KCNJ3: variants seen among roughly 807,000 people sequenced by gnomAD.
The protein encoded by KCNJ3 is G protein-activated inward rectifier potassium channel 1.
KCNJ3 carries 4 observed loss-of-function variants against 39.2 expected under a neutral mutation model. That is an observed-to-expected ratio of 0.10 (90% CI 0.05 to 0.23). KCNJ3 has a LOEUF of 0.23. Ranked by LOEUF, KCNJ3 falls within the 10% of genes least tolerant of loss-of-function variation. KCNJ3 has a pLI of 1.00. For missense variants in KCNJ3, 276 were observed against 634.9 expected, an observed-to-expected ratio of 0.43 and a Z score of 6.08; for synonymous variants, 230 against 237.4, an observed-to-expected ratio of 0.97 and a Z score of 0.29.
At chr2:154,792,062 T>C (rs1323507145) in intron 2 of KCNJ3, among the ~76,000 whole-genome samples, 1 of 152,054 alleles carries the variant, frequency 6.6e-6, no homozygotes, top group Non-Finnish European at 1.5e-5. Context: ...TTTTCAGATC[T>C]GTTGGAAAGC....
At chr2:154,715,365 T>G (rs556564013) in intron 2 of KCNJ3, among the ~76,000 whole-genome samples, 2 of 152,318 alleles carry the variant, frequency 1.3e-5, no homozygotes, top group Admixed American at 6.5e-5. Flanking sequence ...CTGCCCTTCT[T>G]ATGGTACTGC....
At chr2:154,715,474 T>C (rs1253278023) in intron 2 of KCNJ3, among the ~76,000 whole-genome samples, 1 of 152,194 alleles carries the variant, frequency 6.6e-6, no homozygotes, top group Non-Finnish European at 1.5e-5. Context: ...AGCACAAGAG[T>C]GGCATATTTG....
intron 2 of KCNJ3, among the ~76,000 whole-genome samples, chr2:154,847,938 C>T (rs1687688857): frequency 6.6e-6 from 1 of 152,126 alleles, no homozygotes; most frequent in Non-Finnish European, 1.5e-5. Context: ...TTACTGTGGA[C>T]ACCAGAATAT....
At chr2:154,806,310 A>T (rs1470279006) in intron 2 of KCNJ3, among the ~76,000 whole-genome samples, 1 of 152,170 alleles carries the variant, frequency 6.6e-6, no homozygotes, top group African/African-American at 2.4e-5. Context: ...CCTCTCAAGT[A>T]CCAATGGAGC....
At chr2:154,750,659 A>G (rs1189711626) in intron 2 of KCNJ3, among the ~76,000 whole-genome samples, 1 of 151,924 alleles carries the variant, frequency 6.6e-6, no homozygotes, top group Non-Finnish European at 1.5e-5. Context: ...TGCCTTTCAT[A>G]CAATTTTTTC....
At chr2:154,826,689 T>C (rs1014639124) in intron 2 of KCNJ3, among the ~76,000 whole-genome samples, 3 of 152,202 alleles carry the variant, frequency 2.0e-5, no homozygotes, top group Non-Finnish European at 4.4e-5. Flanking sequence ...CCATGAGATA[T>C]GATGAATGTT....
At chr2:154,704,497 T>C (rs940326997) in intron 1 of KCNJ3, among the ~76,000 whole-genome samples, 1 of 152,198 alleles carries the variant, frequency 6.6e-6, no homozygotes, top group Non-Finnish European at 1.5e-5. Context: ...AGAAATGTTC[T>C]TTTCATAAAA....
chr2:154,800,440 G>T (rs2591152), intron 2 of KCNJ3, among the ~76,000 whole-genome samples: 79,011 of 151,870 alleles, frequency 0.52, 20,995 homozygotes, highest in Middle Eastern at 0.6. Flanking sequence ...TGTAGAGATC[G>T]GCACTCCATT....
chr2:154,748,540 G>A (rs907982326), intron 2 of KCNJ3, among the ~76,000 whole-genome samples: 2 of 152,008 alleles, frequency 1.3e-5, no homozygotes, highest in Admixed American at 1.3e-4. Context: ...TTTCTGGGAT[G>A]CCCAGTGCCC....
chr2:154,848,929 C>T (rs935080130), intron 2 of KCNJ3, among the ~76,000 whole-genome samples: 3 of 152,192 alleles, frequency 2.0e-5, no homozygotes, highest in Admixed American at 2.0e-4. Context: ...ACCACAGAAT[C>T]ACAGACTTGA....
At chr2:154,835,465 T>C (rs1458492124) in intron 2 of KCNJ3, among the ~76,000 whole-genome samples, 2 of 95,978 alleles carry the variant, frequency 2.1e-5, no homozygotes, top group African/African-American at 6.4e-5. Flanking sequence ...ATAATATTCA[T>C]GAATATGAAT....
chr2:154,840,718 T>C (rs1335994815), intron 2 of KCNJ3, among the ~76,000 whole-genome samples: 1 of 144,078 alleles, frequency 6.9e-6, no homozygotes, highest in East Asian at 2.3e-4. Context: ...AGTTCACTCA[T>C]GATTTGGCTT....
intron 1 of KCNJ3, among the ~76,000 whole-genome samples, chr2:154,703,547 T>C (rs1447133464): frequency 6.6e-6 from 1 of 151,688 alleles, no homozygotes; most frequent in African/African-American, 2.4e-5. Context: ...CCAAATTGGA[T>C]GTTGTCTTGT....
chr2:154,817,597 A>G (rs1023664021), intron 2 of KCNJ3, among the ~76,000 whole-genome samples: 11 of 152,166 alleles, frequency 7.2e-5, no homozygotes, highest in African/African-American at 2.7e-4. Flanking sequence ...TAGGTTATCT[A>G]ATCAACCTAC....
chr2:154,805,045 G>T (rs1482925279), intron 2 of KCNJ3, among the ~76,000 whole-genome samples: 1 of 152,032 alleles, frequency 6.6e-6, no homozygotes, highest in African/African-American at 2.4e-5. Flanking sequence ...ACTGACAAAT[G>T]AAATCCTGAG....
chr2:154,836,048 A>G (rs1381294567), intron 2 of KCNJ3, among the ~76,000 whole-genome samples: 3 of 152,000 alleles, frequency 2.0e-5, no homozygotes, highest in Admixed American at 1.3e-4. Context: ...CTGTCTTACT[A>G]AAAATACAAA....
chr2:154,776,418 T>C (rs1686336830), intron 2 of KCNJ3, among the ~76,000 whole-genome samples: 1 of 152,156 alleles, frequency 6.6e-6, no homozygotes, highest in Non-Finnish European at 1.5e-5. Context: ...CAAAAGCATT[T>C]GTTCATTATT....
At chr2:154,738,460 A>G (rs1685588787) in intron 2 of KCNJ3, among the ~76,000 whole-genome samples, 1 of 152,116 alleles carries the variant, frequency 6.6e-6, no homozygotes, top group Admixed American at 6.6e-5. Context: ...GCCCAAGGGG[A>G]TGGATACCCC....
chr2:154,840,424 C>G (rs1017699693), intron 2 of KCNJ3, among the ~76,000 whole-genome samples: 1 of 152,154 alleles, frequency 6.6e-6, no homozygotes, highest in Non-Finnish European at 1.5e-5. Flanking sequence ...GCAATGTGGG[C>G]TCTTTTTTGG....
Sources: gnomAD v4.1 joint callset for allele counts (sites outside exome capture counted in the v4.1 genomes callset) on GRCh38, gnomAD v4.1.1 for gene constraint, MANE v1.5 for transcripts, NCBI Gene and HGNC (gene_info 2026-07-23, HGNC 2026-07-21) for gene names.